SV2B: variants seen among roughly 807,000 people sequenced by gnomAD.
The protein encoded by SV2B is synaptic vesicle glycoprotein 2B.
SV2B carries 41 observed loss-of-function variants against 73.9 expected under a neutral mutation model. The ratio of observed to expected loss-of-function variants is 0.56; its 90% CI spans 0.43 to 0.72. The LOEUF (loss-of-function observed/expected upper bound fraction) is 0.72. Among genes scored for constraint, SV2B ranks in the 30% least tolerant of loss-of-function variants. The pLI is 0.00. For missense variants in SV2B, 764 were observed against 857.8 expected (o/e 0.89, Z 1.37); for synonymous variants, 314 against 314.2 (o/e 1.00, Z 0.01).
In SV2B at chr15:91,181,457, G is replaced by T. The variant is rs577792959; in HGVS notation, c.-391-44416G>T. On this transcript the variant is annotated intron_variant, in intron 1 of 12. Transcript: ENST00000394232. ...GACAGGGTCATTTAAGTCTGCAGAG[G>T]TTACTGCTGTCTTTTTGTTTCGCCG... Among the ~76,000 whole-genome samples, 166 of 152,052 alleles carry T rather than the reference G, an allele frequency of 1.1e-3. 1 individual carries two copies. The South Asian group carries it at 0.034, about 31-fold the overall frequency.
chr15:91,213,051 G>A (rs1394752660), intron 1 of SV2B, among the ~76,000 whole-genome samples: 3 of 152,056 alleles, frequency 2.0e-5, no homozygotes, highest in Non-Finnish European at 4.4e-5. Flanking sequence ...TGCTTGGGAG[G>A]CTGAGGCAAG....
At chr15:91,291,442 T>C (rs1269103115) in intron 12 of SV2B, among the ~76,000 whole-genome samples, 1 of 152,200 alleles carries the variant, frequency 6.6e-6, no homozygotes, top group Admixed American at 6.5e-5. Context: ...ACTTGTGGTA[T>C]GAGAAAGAAA....
chr15:91,143,247 T>C (rs2043049498), intron 1 of SV2B, among the ~76,000 whole-genome samples: 1 of 152,186 alleles, frequency 6.6e-6, no homozygotes, highest in Admixed American at 6.5e-5. Flanking sequence ...GGGGAAGGCA[T>C]TTTCAAAATA....
chr15:91,116,948 G>C (rs1212292878), intron 1 of SV2B, among the ~76,000 whole-genome samples: 1 of 152,150 alleles, frequency 6.6e-6, no homozygotes, highest in Non-Finnish European at 1.5e-5. Flanking sequence ...ATGATGAGAA[G>C]AGCATGGGAA....
intron 2 of SV2B, among the ~76,000 whole-genome samples, 169 bp downstream of exon 2, chr15:91,226,883 A>T (rs553010311): frequency 1.3e-5 from 2 of 152,320 alleles, no homozygotes; most frequent in East Asian, 3.9e-4. Context: ...TGCACAGCTA[A>T]TAAGTATTGG....
intron 1 of SV2B, among the ~76,000 whole-genome samples, chr15:91,191,861 C>A (rs1265266468): frequency 2.0e-5 from 3 of 152,200 alleles, no homozygotes; most frequent in African/African-American, 7.2e-5. Context: ...TACTCTATCT[C>A]ATTTTCTTTT....
In SV2B at chr15:91,299,211, C is replaced by G. The variant is rs193032128; in HGVS notation, c.*6659C>G. 1 of 152,094 alleles carries G rather than the reference C, an allele frequency of 6.6e-6. No individual in the cohort carries two copies. Among genetic ancestry groups the G allele is most frequent in the Non-Finnish European group, 1.5e-5 (1 of 68,016 alleles). 9.4% of individuals were successfully genotyped at this position (152,094 alleles called of 1,614,324 possible). ...TTCCAGAAAAATTAGATATTGGACT[C>G]TATCACAAAGGAATTGCATAAAAAT... On this transcript the variant is annotated 3_prime_UTR_variant, in exon 13 of 13. Transcript: ENST00000394232.
At chr15:91,207,573 AG>A (rs2045690602) in intron 1 of SV2B, among the ~76,000 whole-genome samples, 2 of 152,314 alleles carry the variant, frequency 1.3e-5, no homozygotes, top group South Asian at 4.1e-4. Flanking sequence ...TTGATGTTGT[AG>A]GGAAGAAAAA....
At chr15:91,138,604 CT>C (rs967770734) in intron 1 of SV2B, among the ~76,000 whole-genome samples, 5 of 151,984 alleles carry the variant, frequency 3.3e-5, no homozygotes, top group Admixed American at 6.6e-5. Flanking sequence ...TGGGTACAGA[CT>C]TTTTTTTCTT....
At chr15:91,134,605 C>T (rs1312267473) in intron 1 of SV2B, among the ~76,000 whole-genome samples, 1 of 152,226 alleles carries the variant, frequency 6.6e-6, no homozygotes, top group Non-Finnish European at 1.5e-5. Context: ...GGAAAGAACA[C>T]AGGCTCTGGA....
chr15:91,186,860 CAAATA>C lies in SV2B; in HGVS notation c.-391-39005_-391-39001del, dbSNP rs916263143. Among the ~76,000 whole-genome samples, 152 of 152,180 alleles carry C rather than the reference CAAATA, an allele frequency of 1.0e-3. 1 individual carries two copies. The highest frequency in any genetic ancestry group is 3.5e-3 in the African/African-American group (145 of 41,516). On this transcript the variant is annotated intron_variant, in intron 1 of 12. Transcript: ENST00000394232. ...CTGCGCTTGTACCCCTAAATGTATACAAATAAAATAAATTAATAAATTAAACAAGT... is the reference window on the plus strand; with the variant it reads ...CTGCGCTTGTACCCCTAAATGTATACAAATAAATTAATAAATTAAACAAGT...
Position 91,246,753 on chromosome 15 carries a change from T to C in SV2B, c.452-5066T>C, listed in dbSNP as rs898569634. 8.3e-4 allele frequency among the ~76,000 whole-genome samples: 124 copies of C among 148,654 alleles called. 2 individuals are homozygous for C. Among genetic ancestry groups the C allele is most frequent in the African/African-American group, 3.0e-3 (115 of 38,386 alleles). ...TCCTCCTCCTCCTCCTCCTCCTTCT[T>C]CTCCTCTTCCTCCTTTGCTCTGCAA... On this transcript the variant is annotated intron_variant, in intron 2 of 12. Transcript: ENST00000394232.
In SV2B at chr15:91,132,230, A is replaced by C. The variant is rs1290289268; in HGVS notation, c.-392+31867A>C. 6.6e-6 allele frequency among the ~76,000 whole-genome samples: 1 copy of C among 152,230 alleles called. No individual in the cohort carries two copies. Among genetic ancestry groups the C allele is most frequent in the Non-Finnish European group, 1.5e-5 (1 of 68,044 alleles). On this transcript the variant is annotated intron_variant, in intron 1 of 12. Transcript: ENST00000394232. This position sits in a 1 kb window ranked among gnomAD's most constrained non-coding sequence, Gnocchi z 4.6. ...GTCTCGGGTCCAAATACCCTCTAGAAGTTTCCCATTGGCTGCTTCATGCTC... is the reference window on the plus strand; with the variant it reads ...GTCTCGGGTCCAAATACCCTCTAGACGTTTCCCATTGGCTGCTTCATGCTC...
chr15:91,121,495 T>C lies in SV2B; in HGVS notation c.-392+21132T>C, dbSNP rs192984534. Among the ~76,000 whole-genome samples the C allele has an allele frequency of 8.6e-4, 131 of 152,338 alleles. No individual in the cohort carries two copies. Among genetic ancestry groups the C allele is most frequent in the African/African-American group, 2.9e-3 (120 of 41,594 alleles). On this transcript the variant is annotated intron_variant, in intron 1 of 12. Coordinates refer to ENST00000394232, the MANE Select transcript of SV2B (RefSeq NM_001323032.3). The surrounding 1 kb of genome is among the most constrained non-coding windows in gnomAD (Gnocchi z 4.4). The stretch of plus-strand genomic sequence containing the variant: ...CCATAATTCTTGGGTAGAATCTTGC[T>C]TCTTTTTCTTTCATGTCTATTATGT...
rs1326862183 is a variant in SV2B at position 91,288,751 on chromosome 15, C to T, written c.1709-770C>T. Among the ~76,000 whole-genome samples, 4 of 152,106 alleles carry T rather than the reference C, an allele frequency of 2.6e-5. No individual in the cohort carries two copies. The highest frequency in any genetic ancestry group is 2.1e-4 in the South Asian group (1 of 4,824). On this transcript the variant is annotated intron_variant, in intron 11 of 12. Coordinates refer to ENST00000394232, the MANE Select transcript of SV2B (RefSeq NM_001323032.3). The surrounding 1 kb of genome is among the most constrained non-coding windows in gnomAD (Gnocchi z 5.8). ...GGAGTACAGTGGCGCCATCTCGGCT[C>T]ACTGCAACCTCTGCCTCCCAGCTTC...
intron 1 of SV2B, among the ~76,000 whole-genome samples, chr15:91,213,460 G>T (rs1284836714): frequency 6.6e-6 from 1 of 152,188 alleles, no homozygotes; most frequent in South Asian, 2.1e-4. Flanking sequence ...GGAATACAAA[G>T]GTAAAGGTAT....
rs960910146 is a variant in SV2B, at chr15:91,197,794, G to A, written c.-391-28079G>A. Among the ~76,000 whole-genome samples, 5 of 152,226 alleles carry A rather than the reference G, an allele frequency of 3.3e-5. No homozygotes were observed. Among genetic ancestry groups the A allele is most frequent in the Middle Eastern group, 3.4e-3 (1 of 294 alleles). On this transcript the variant is annotated intron_variant, in intron 1 of 12. Coordinates refer to ENST00000394232, the MANE Select transcript of SV2B (RefSeq NM_001323032.3). This position sits in a 1 kb window ranked among gnomAD's most constrained non-coding sequence, Gnocchi z 4.9. ...CACGCCTGTAATCCCAGCACTTTGG[G>A]AGGCCGAGATGGGTGGATCACCTGA...
chr15:91,302,554 C>T lies in SV2B; in HGVS notation c.*10002C>T, dbSNP rs562881827. Among the ~76,000 whole-genome samples, 3 of 152,252 alleles carry T rather than the reference C, an allele frequency of 2.0e-5. No homozygotes were observed. Among genetic ancestry groups the T allele is most frequent in the South Asian group, 2.1e-4 (1 of 4,820 alleles). On this transcript the variant is annotated 3_prime_UTR_variant, in exon 13 of 13. Coordinates refer to ENST00000394232, the MANE Select transcript of SV2B (RefSeq NM_001323032.3). ...GTGCAGTGGTTCACACCTGTAATCC[C>T]AGCATTTTGGGAAGCCAAGGCAGGT... is the stretch of plus-strand genomic sequence containing the variant.
chr15:91,161,994 T>C (rs1427419553), intron 1 of SV2B, among the ~76,000 whole-genome samples: 21 of 152,164 alleles, frequency 1.4e-4, no homozygotes, highest in African/African-American at 4.3e-4. Context: ...CAGATGACAA[T>C]ACAAGTGAAC....
Sources: allele counts gnomAD v4.1 joint callset (sites outside exome capture counted in the v4.1 genomes callset), GRCh38; gene constraint gnomAD v4.1.1; non-coding constraint Gnocchi (gnomAD v3.1); transcripts MANE v1.5; gene names NCBI Gene and HGNC (gene_info 2026-07-23, HGNC 2026-07-21).